The following STK32B variants were observed in gnomAD, a reference collection of about 807,000 sequenced individuals.
STK32B encodes the protein serine/threonine kinase 32B.
Under a neutral mutation model 52.6 loss-of-function variants are expected in STK32B, and 43 were observed. The ratio of observed to expected loss-of-function variants is 0.82; its 90% CI spans 0.64 to 1.05. The LOEUF (loss-of-function observed/expected upper bound fraction) is 1.05. Among genes scored for constraint, STK32B ranks in the 50% least tolerant of loss-of-function variants. The pLI is 0.00. For synonymous variants in STK32B, 238 were observed against 204.3 expected, an observed-to-expected ratio of 1.17 and a Z score of -1.41; for missense variants, 621 against 534.6, an observed-to-expected ratio of 1.16 and a Z score of -1.59.
chr4:5,446,887 G>A, intron 7 of STK32B, 111 bp downstream of exon 7: 2 of 987,634 alleles, frequency 2.0e-6, no homozygotes, highest in South Asian at 1.4e-5. Context: ...AGCACTGGGG[G>A]AGTCACTGCC....
intron 11 of STK32B, among the ~76,000 whole-genome samples, chr4:5,483,229 G>A (rs1391811144): frequency 2.7e-5 from 4 of 150,680 alleles, no homozygotes; most frequent in Admixed American, 1.3e-4. Context: ...GACTCTTTTT[G>A]GTTGGTAAGC....
the STK32B span, among the ~76,000 whole-genome samples, chr4:5,028,344 T>C: frequency 6.6e-6 from 1 of 152,208 alleles, no homozygotes; most frequent in Non-Finnish European, 1.5e-5. Context: ...ATTTTCTATT[T>C]GTGTGAATCC....
chr4:5,183,606 T>C (rs1040316254), intron 3 of STK32B, among the ~76,000 whole-genome samples: 1 of 152,112 alleles, frequency 6.6e-6, no homozygotes, highest in African/African-American at 2.4e-5. Flanking sequence ...GGCCAGTGAG[T>C]GGAGCATTCA....
chr4:5,080,359 T>C (rs1160742573), intron 1 of STK32B, among the ~76,000 whole-genome samples: 2 of 152,216 alleles, frequency 1.3e-5, no homozygotes, highest in Admixed American at 6.5e-5. Context: ...TGCTATTCTT[T>C]GAACACTCAG....
intron 11 of STK32B, 81 bp downstream of exon 11, chr4:5,468,151 C>A: frequency 6.9e-7 from 1 of 1,442,138 alleles, no homozygotes. Flanking sequence ...ACAGTCCCTG[C>A]CCCCCAAACC....
intron 3 of STK32B, among the ~76,000 whole-genome samples, chr4:5,306,789 T>A (rs1375943516): frequency 6.6e-6 from 1 of 152,202 alleles, no homozygotes; most frequent in Non-Finnish European, 1.5e-5. Context: ...AGGATTTGTT[T>A]CAAGATTTAG....
chr4:5,481,597 C>A (rs932547329), intron 11 of STK32B, among the ~76,000 whole-genome samples: 9 of 152,164 alleles, frequency 5.9e-5, no homozygotes, highest in Admixed American at 5.9e-4. Flanking sequence ...AATTAGATGC[C>A]ATTTGTCAAT....
rs376789947 is a variant in STK32B, at chr4:5,494,642, C to A, written c.1107-4303C>A. 4.6e-5 allele frequency among the ~76,000 whole-genome samples: 7 copies of A among 152,086 alleles called. No homozygotes were observed. In the East Asian group the frequency reaches 5.8e-4, roughly 13 times the overall value. Reference sequence around the variant, plus strand: ...GATGATGTTAGCTGGTTATTTTGCTCGTTAGTTGATGCAGTTTCTTCCTAG... The same window carrying A: ...GATGATGTTAGCTGGTTATTTTGCTAGTTAGTTGATGCAGTTTCTTCCTAG... On this transcript the variant is annotated intron_variant, in intron 11 of 11. Coordinates refer to ENST00000282908, the MANE Select transcript of STK32B (RefSeq NM_018401.3).
Position 5,114,340 on chromosome 4 carries a change from C to A in STK32B, c.53-25565C>A, listed in dbSNP as rs138748601. ...TTTAAAGCTCACTTCTTCAAAGGAA[C>A]CTTCCTGGACCCAGATGTATTTCCT... On this transcript the variant is annotated intron_variant, in intron 1 of 11. Coordinates refer to ENST00000282908, the MANE Select transcript of STK32B (RefSeq NM_018401.3). Among the ~76,000 whole-genome samples, 211 of 152,114 alleles carry A rather than the reference C, an allele frequency of 1.4e-3. 1 individual carries two copies. Among genetic ancestry groups the A allele is most frequent in the African/African-American group, 4.9e-3 (202 of 41,504 alleles).
chr4:5,347,140 CA>C (rs1354462998), intron 4 of STK32B, among the ~76,000 whole-genome samples: 17 of 152,248 alleles, frequency 1.1e-4, no homozygotes, highest in Non-Finnish European at 2.2e-4. Context: ...CAAACCATAT[CA>C]GTCACCATAA....
chr4:5,392,796 G>T (rs1050008851), intron 4 of STK32B, among the ~76,000 whole-genome samples: 1 of 152,102 alleles, frequency 6.6e-6, no homozygotes, highest in Non-Finnish European at 1.5e-5. Flanking sequence ...ACTGCACATG[G>T]CTAAATCCAC....
At chr4:5,404,791 A>G (rs1737545221) in intron 5 of STK32B, among the ~76,000 whole-genome samples, 1 of 150,966 alleles carries the variant, frequency 6.6e-6, no homozygotes, top group Admixed American at 6.6e-5. Context: ...GGGAATTTGG[A>G]CTTTGGTATG....
chr4:5,246,710 A>G (rs928515046), intron 3 of STK32B, among the ~76,000 whole-genome samples: 1 of 151,948 alleles, frequency 6.6e-6, no homozygotes, highest in Non-Finnish European at 1.5e-5. Context: ...GGTTTTATCT[A>G]CCTTTGGTCT....
intron 3 of STK32B, among the ~76,000 whole-genome samples, chr4:5,257,847 G>A (rs577000556): frequency 1.4e-4 from 21 of 152,352 alleles, no homozygotes; most frequent in African/African-American, 4.8e-4. Context: ...GGAGGCTGAT[G>A]TAGGAGAATA....
intron 3 of STK32B, among the ~76,000 whole-genome samples, chr4:5,199,961 C>T (rs1425717099): frequency 6.6e-6 from 1 of 152,148 alleles, no homozygotes; most frequent in African/African-American, 2.4e-5. Context: ...CAGTCTTCTT[C>T]CCTCTGGTTG....
chr4:5,320,579 A>G (rs534790507), intron 3 of STK32B, among the ~76,000 whole-genome samples: 241 of 152,276 alleles, frequency 1.6e-3, no homozygotes, highest in Non-Finnish European at 2.7e-3. Context: ...TTACATTTCA[A>G]ATACAACTAG....
intron 3 of STK32B, among the ~76,000 whole-genome samples, chr4:5,230,929 G>A (rs1458020698): frequency 6.6e-6 from 1 of 152,198 alleles, no homozygotes; most frequent in Non-Finnish European, 1.5e-5. Flanking sequence ...AGAGATGGGT[G>A]TGAAATTGCC....
chr4:5,423,750 C>T (rs562784748), intron 6 of STK32B, among the ~76,000 whole-genome samples: 1 of 152,258 alleles, frequency 6.6e-6, no homozygotes, highest in South Asian at 2.1e-4. Flanking sequence ...CACCAAATGT[C>T]AGTTCCCTTC....
At chr4:5,232,953 C>G (rs1724376039) in intron 3 of STK32B, among the ~76,000 whole-genome samples, 1 of 152,180 alleles carries the variant, frequency 6.6e-6, no homozygotes, top group African/African-American at 2.4e-5. Flanking sequence ...GCAGCTTTCT[C>G]CACACAGCTC....
Sources: allele counts gnomAD v4.1 joint callset (sites outside exome capture counted in the v4.1 genomes callset), GRCh38; gene constraint gnomAD v4.1.1; transcripts MANE v1.5; gene names NCBI Gene and HGNC (gene_info 2026-07-23, HGNC 2026-07-21).